The following GABRG3 variants were observed in gnomAD, a reference collection of about 807,000 sequenced individuals.
GABRG3 encodes gamma-aminobutyric acid receptor subunit gamma-3.
In GABRG3, 25 loss-of-function variants were observed where a neutral mutation model predicts 48.8. The observed-to-expected ratio is 0.51, with a 90% CI of 0.37 to 0.72. The LOEUF (loss-of-function observed/expected upper bound fraction) is 0.72, where lower values mean the gene tolerates loss of function less well. Among genes scored for constraint, GABRG3 ranks in the 30% least tolerant of loss-of-function variants. The pLI, the probability that GABRG3 is intolerant of heterozygous loss-of-function variation, is 0.00. For synonymous variants in GABRG3, 227 were observed against 217.6 expected, an observed-to-expected ratio of 1.04 and a Z score of -0.38; for missense variants, 394 against 577.9, an observed-to-expected ratio of 0.68 and a Z score of 3.26.
intron 5 of GABRG3, among the ~76,000 whole-genome samples, chr15:27,330,980 G>A (rs566851236): frequency 6.6e-6 from 1 of 152,194 alleles, no homozygotes; most frequent in Non-Finnish European, 1.5e-5. Flanking sequence ...ATCAGGGAGT[G>A]GCAGGATCAA....
At chr15:27,111,776 C>T (rs1897553803) in intron 3 of GABRG3, among the ~76,000 whole-genome samples, 1 of 152,142 alleles carries the variant, frequency 6.6e-6, no homozygotes, top group Non-Finnish European at 1.5e-5. Context: ...TGTCTTGTAG[C>T]AGGTCTGCAT....
chr15:27,305,636 CTA>C (rs1491340056), intron 3 of GABRG3, among the ~76,000 whole-genome samples: 3 of 123,516 alleles, frequency 2.4e-5, no homozygotes, highest in South Asian at 2.5e-4. Context: ...TAATATAAAC[CTA>C]TATGTTTATA....
chr15:27,336,805 A>C (rs1893992733), intron 5 of GABRG3, among the ~76,000 whole-genome samples: 1 of 152,238 alleles, frequency 6.6e-6, no homozygotes, highest in Non-Finnish European at 1.5e-5. Context: ...CTGTTGGTAC[A>C]TCCTTAAAAT....
At chr15:27,022,811 C>G (rs1279078082) in intron 2 of GABRG3, among the ~76,000 whole-genome samples, 1 of 152,146 alleles carries the variant, frequency 6.6e-6, no homozygotes, top group Non-Finnish European at 1.5e-5. Context: ...CCACCAAGCT[C>G]TCCTCACTGG....
intron 2 of GABRG3, among the ~76,000 whole-genome samples, chr15:27,010,067 C>T (rs181322636): frequency 6.6e-6 from 1 of 152,204 alleles, no homozygotes; most frequent in Non-Finnish European, 1.5e-5. Context: ...ACCTCAGCCT[C>T]CCAAGTAGCT....
At chr15:27,248,818 A>T (rs1450803644) in intron 3 of GABRG3, among the ~76,000 whole-genome samples, 1 of 141,190 alleles carries the variant, frequency 7.1e-6, no homozygotes, top group Non-Finnish European at 1.6e-5. Context: ...AGAGAGAGAG[A>T]GAGAGAGAGA....
chr15:27,288,825 C>T (rs1257113783), intron 3 of GABRG3, among the ~76,000 whole-genome samples: 1 of 152,106 alleles, frequency 6.6e-6, no homozygotes, highest in Non-Finnish European at 1.5e-5. Context: ...TGTGATTTTC[C>T]TTGAGCCTGA....
intron 5 of GABRG3, among the ~76,000 whole-genome samples, chr15:27,387,831 G>A (rs1396707362): frequency 2.1e-5 from 2 of 93,508 alleles, no homozygotes; most frequent in Non-Finnish European, 2.2e-5. Context: ...GAGGGAGAGA[G>A]GGAGAGAGGA....
At chr15:27,483,646 G>A (rs760508989) in intron 6 of GABRG3, among the ~76,000 whole-genome samples, 22 of 152,176 alleles carry the variant, frequency 1.4e-4, no homozygotes, top group Admixed American at 5.9e-4. Flanking sequence ...AGGTGTCAGC[G>A]TTCCCCCTCT....
chr15:27,292,677 A>C (rs1891835222), intron 3 of GABRG3, among the ~76,000 whole-genome samples: 1 of 152,142 alleles, frequency 6.6e-6, no homozygotes, highest in Non-Finnish European at 1.5e-5. Context: ...ACAAAACAAA[A>C]AATAATAATA....
At chr15:27,448,289 A>G (rs929092278) in intron 5 of GABRG3, among the ~76,000 whole-genome samples, 12 of 152,168 alleles carry the variant, frequency 7.9e-5, no homozygotes, top group Admixed American at 3.3e-4. Flanking sequence ...CCCTTTCCCA[A>G]TGGACGTGGA....
At chr15:27,095,336 GAC>G (rs1461411405) in intron 3 of GABRG3, among the ~76,000 whole-genome samples, 1 of 152,208 alleles carries the variant, frequency 6.6e-6, no homozygotes, top group Non-Finnish European at 1.5e-5. Flanking sequence ...TGCATATGCA[GAC>G]ACACACATGC....
At chr15:27,145,609 CTA>C (rs764778050) in intron 3 of GABRG3, among the ~76,000 whole-genome samples, 1 of 123,340 alleles carries the variant, frequency 8.1e-6, no homozygotes, top group Non-Finnish European at 1.8e-5. Context: ...CTATCTCTAT[CTA>C]TCTATCTATC....
In GABRG3 at chr15:27,062,434, T is replaced by TAAAA. The variant is rs57903886; in HGVS notation, c.270+35634_270+35637dup. The stretch of plus-strand genomic sequence containing the variant: ...CAACATGGTGAAACTCCATCTCTAC[T>TAAAA]AAAAAAAAAAAAAAAAAAAAAAAAT... On this transcript the variant is annotated intron_variant, in intron 3 of 9. Transcript: ENST00000615808. Among the ~76,000 whole-genome samples, 85 of 32,860 alleles carry TAAAA rather than the reference T, an allele frequency of 2.6e-3. 7 individuals are homozygous for TAAAA. Among genetic ancestry groups the TAAAA allele is most frequent in the African/African-American group, 4.8e-3 (69 of 14,278 alleles). 21.6% of individuals were successfully genotyped at this position (32,860 alleles called of 152,430 possible).
chr15:27,327,712 G>A (rs992759233), intron 4 of GABRG3, among the ~76,000 whole-genome samples: 3 of 152,140 alleles, frequency 2.0e-5, no homozygotes, highest in African/African-American at 7.2e-5. Flanking sequence ...TGCTCCAGAG[G>A]ACACTGCACT....
At chr15:27,532,025 C>T (rs1433518300) in intron 9 of GABRG3, among the ~76,000 whole-genome samples, 1 of 152,126 alleles carries the variant, frequency 6.6e-6, no homozygotes, top group Non-Finnish European at 1.5e-5. Context: ...TCTCATCATT[C>T]CTGCAAGTCA....
intron 3 of GABRG3, among the ~76,000 whole-genome samples, chr15:27,316,531 A>G (rs1893234492): frequency 6.6e-6 from 1 of 152,228 alleles, no homozygotes; most frequent in South Asian, 2.1e-4. Context: ...AGATTAAAGA[A>G]ATAATACCTA....
chr15:27,150,339 T>C (rs562259897), intron 3 of GABRG3, among the ~76,000 whole-genome samples: 237 of 152,320 alleles, frequency 1.6e-3, no homozygotes, highest in African/African-American at 5.3e-3. Flanking sequence ...TGTGTAATGT[T>C]TGAATATTTT....
chr15:27,422,958 AC>A (rs764401439), intron 5 of GABRG3, among the ~76,000 whole-genome samples: 17 of 152,122 alleles, frequency 1.1e-4, no homozygotes, highest in Admixed American at 3.3e-4. Flanking sequence ...TTCTGAGACC[AC>A]CCCTATCCTG....
Sources: gnomAD v4.1 joint callset for allele counts (sites outside exome capture counted in the v4.1 genomes callset) on GRCh38, gnomAD v4.1.1 for gene constraint, MANE v1.5 for transcripts, NCBI Gene and HGNC (gene_info 2026-07-23, HGNC 2026-07-21) for gene names.